The following PKD2L2 variants were observed in gnomAD, a reference collection of about 807,000 sequenced individuals.
PKD2L2 encodes polycystin 2 like 2, transient receptor potential cation channel.
A neutral mutation model predicts 83.9 loss-of-function variants in PKD2L2; 67 were observed. That is an observed-to-expected ratio of 0.80 (90% CI 0.66 to 0.98). The LOEUF (loss-of-function observed/expected upper bound fraction) is 0.98. Ranked by LOEUF, PKD2L2 falls within the 50% of genes least tolerant of loss-of-function variation. The pLI, the probability that PKD2L2 is intolerant of heterozygous loss-of-function variation, is 0.00. For synonymous variants in PKD2L2, 223 were observed against 237.8 expected (o/e 0.94, Z 0.57); for missense variants, 632 against 717.2 (o/e 0.88, Z 1.36).
chr5:137,924,264 G>A (rs573535586), intron 10 of PKD2L2, among the ~76,000 whole-genome samples: 1 of 152,210 alleles, frequency 6.6e-6, no homozygotes, highest in South Asian at 2.1e-4. Flanking sequence ...GTCCTAACCT[G>A]TCTTCATTAA....
chr5:137,909,044 T>A, intron 8 of PKD2L2, 98 bp downstream of exon 8: 1 of 658,136 alleles, frequency 1.5e-6, no homozygotes, highest in Non-Finnish European at 2.6e-6. Flanking sequence ...ATATAAGCTT[T>A]AATATATTTA....
chr5:137,927,423 G>A (rs1177687428), intron 12 of PKD2L2, among the ~76,000 whole-genome samples: 1 of 152,188 alleles, frequency 6.6e-6, no homozygotes, highest in Non-Finnish European at 1.5e-5. Context: ...AGGTAAAGCT[G>A]AGGAACTATT....
intron 5 of PKD2L2, among the ~76,000 whole-genome samples, chr5:137,904,873 A>G (rs1487601858): frequency 6.6e-6 from 1 of 152,186 alleles, no homozygotes; most frequent in Non-Finnish European, 1.5e-5. Flanking sequence ...TCCCCGTGCA[A>G]CAGGGAGAGT....
At position 137,889,457 on chromosome 5, in the gene PKD2L2, A is replaced by T. The variant is rs1436265163; in HGVS notation, c.-35A>T. The T allele has an allele frequency of 1.3e-6, 2 of 1,585,064 alleles. No individual in the cohort carries two copies. The highest frequency in any genetic ancestry group is 2.5e-5 in the East Asian group (1 of 40,408). ...ACTAGCGCGCAAGCGCCGCGGCCTC[A>T]GGCGAACGAACGGGCGGTGTAGTGC... On this transcript the variant is annotated 5_prime_UTR_variant, in exon 1 of 15. Transcript: ENST00000508883.
At chr5:137,915,828 T>C (rs1477740327) in intron 8 of PKD2L2, among the ~76,000 whole-genome samples, 1 of 152,248 alleles carries the variant, frequency 6.6e-6, no homozygotes, top group East Asian at 1.9e-4. Context: ...TACTAGCTTT[T>C]ATAATTGCTC....
intron 8 of PKD2L2, among the ~76,000 whole-genome samples, chr5:137,909,535 GA>G (rs1283078194): frequency 1.7e-5 from 2 of 120,214 alleles, no homozygotes; most frequent in Admixed American, 1.1e-4. Context: ...CTGGACAAAA[GA>G]AATTTTTTTT....
In PKD2L2 at chr5:137,925,932, A is replaced by G; in HGVS notation, c.1671+3A>G. ...GAAGAGAAGGCTTTGACGAAAATGT[A>G]AGATTTTAATTTTTTTCATAAACAC... On this transcript the variant is annotated splice_donor_region_variant and intron_variant, in intron 12 of 14. Transcript: ENST00000508883. 1 of 1,575,124 alleles carries G rather than the reference A, an allele frequency of 6.3e-7. No homozygotes were observed. The highest frequency in any genetic ancestry group is 8.7e-7 in the Non-Finnish European group (1 of 1,148,014).
intron 8 of PKD2L2, among the ~76,000 whole-genome samples, chr5:137,921,070 T>C (rs559869454): frequency 2.0e-5 from 3 of 151,980 alleles, no homozygotes; most frequent in African/African-American, 7.2e-5. Flanking sequence ...GGTTCAAATG[T>C]TATAGGTGGG....
chr5:137,920,398 T>C (rs367628031), intron 8 of PKD2L2, among the ~76,000 whole-genome samples: 1 of 152,178 alleles, frequency 6.6e-6, no homozygotes, highest in Non-Finnish European at 1.5e-5. Flanking sequence ...TTTTCATCTT[T>C]AAAATTAGAA....
rs756735999 is a variant in PKD2L2 at position 137,889,570 on chromosome 5, T to C, written c.31+48T>C. On this transcript the variant is annotated intron_variant, in intron 1 of 14. Transcript: ENST00000508883. ...GGGAGGGACAGGGGCGATTTGGCAG[T>C]TCCAGACACCCTGAAAGGAACTCTG... 21 of 1,479,736 alleles carry C rather than the reference T, an allele frequency of 1.4e-5. No homozygotes were observed. In the East Asian group the frequency reaches 5.4e-4, roughly 38 times the overall value. The allele number at this position is 1,479,736 out of a possible 1,614,324, so 91.7% of individuals were successfully genotyped here. A position where few individuals can be genotyped will look rare whatever the true frequency, so the allele number is the denominator to read the frequency against.
Position 137,923,512 on chromosome 5 carries a change from G to A in PKD2L2, c.1542G>A (p.Met514Ile), listed in dbSNP as rs1249778443. Residue 514 changes from methionine (M) to isoleucine (I), a missense_variant, in exon 10 of 15, where the codon ATG becomes ATA. Physicochemically the swap from Met to Ile is conservative, Grantham distance 10. Coordinates refer to ENST00000508883, the MANE Select transcript of PKD2L2 (RefSeq NM_001300921.2). ...GGCTAGATTTTGAACTTGGCAAAAT[G>A]ATTAAACAGGTAAGTCAAATTTCTT... is the stretch of plus-strand genomic sequence containing the variant. ...GRRLDFELGK[M>I]IKQSYKNVLE... 1.4e-6 allele frequency: 2 copies of A among 1,396,702 alleles called. No homozygotes were observed. Among genetic ancestry groups the A allele is most frequent in the East Asian group, 2.3e-5 (1 of 43,838 alleles). The allele number at this position is 1,396,702 out of a possible 1,614,324, so 86.5% of individuals were successfully genotyped here.
At chr5:137,941,999 T>C (rs754895357) in intron 14 of PKD2L2, 1 of 1,614,158 alleles carries the variant, frequency 6.2e-7, no homozygotes. Flanking sequence ...TTGCGTAGTT[T>C]CTTTTTTTCA....
chr5:137,905,379 TGA>T (rs1171037626), intron 5 of PKD2L2, among the ~76,000 whole-genome samples: 2 of 152,200 alleles, frequency 1.3e-5, no homozygotes, highest in Admixed American at 1.3e-4. Context: ...ATCATAATAT[TGA>T]GTTTCCTTCA....
chr5:137,929,916 C>G (rs2069818353), intron 12 of PKD2L2, among the ~76,000 whole-genome samples: 1 of 152,020 alleles, frequency 6.6e-6, no homozygotes, highest in South Asian at 2.1e-4. Context: ...GAATATAAAT[C>G]AAAGGATTCT....
chr5:137,921,128 A>G (rs1758856784), intron 8 of PKD2L2, among the ~76,000 whole-genome samples: 1 of 152,166 alleles, frequency 6.6e-6, no homozygotes, highest in South Asian at 2.1e-4. Flanking sequence ...TGGGAGGCCG[A>G]GGTGGGCGGA....
chr5:137,890,867 T>C (rs954236074), intron 2 of PKD2L2, among the ~76,000 whole-genome samples: 1 of 152,240 alleles, frequency 6.6e-6, no homozygotes, highest in African/African-American at 2.4e-5. Flanking sequence ...CAGTTCTGTC[T>C]TGAGCATAAT....
intron 12 of PKD2L2, among the ~76,000 whole-genome samples, chr5:137,929,387 G>T (rs928498918): frequency 1.3e-5 from 2 of 151,334 alleles, no homozygotes; most frequent in African/African-American, 4.9e-5. Flanking sequence ...CTTGAACCTG[G>T]GAGGCGGAGG....
intron 14 of PKD2L2, 74 bp downstream of exon 14, chr5:137,936,501 G>A: frequency 7.8e-7 from 1 of 1,289,434 alleles, no homozygotes; most frequent in Non-Finnish European, 1.1e-6. Context: ...TAACGCCCAG[G>A]CTGGAGTGCA....
At chr5:137,923,549 A>G (rs1340635067) in intron 10 of PKD2L2, 28 bp downstream of exon 10, 1 of 1,008,746 alleles carries the variant, frequency 9.9e-7, no homozygotes, top group African/African-American at 1.6e-5. Flanking sequence ...CCTAATTAGA[A>G]TTCTAAGACA....
Sources: allele counts gnomAD v4.1 joint callset (sites outside exome capture counted in the v4.1 genomes callset), GRCh38; gene constraint gnomAD v4.1.1; transcripts MANE v1.5; gene names NCBI Gene and HGNC (gene_info 2026-07-23, HGNC 2026-07-21).